Variants in DENND1B observed in about 807,000 individuals in gnomAD.
DENND1B encodes DENN domain containing 1B, also known as DENN domain-containing protein 1B.
Under a neutral mutation model 90.1 loss-of-function variants are expected in DENND1B, and 59 were observed. The ratio of observed to expected loss-of-function variants is 0.65; its 90% confidence interval spans 0.53 to 0.81. The LOEUF is 0.81. Among genes scored for constraint, DENND1B ranks in the 40% least tolerant of loss-of-function variants. The pLI is 0.00. For synonymous variants in DENND1B, 337 were observed against 324.6 expected (o/e 1.04, Z -0.41); for missense variants, 862 against 912.6 (o/e 0.94, Z 0.71).
chr1:197,635,782 C>A (rs1035481895), intron 10 of DENND1B, among the ~76,000 whole-genome samples: 5 of 152,058 alleles, frequency 3.3e-5, no homozygotes, highest in African/African-American at 1.2e-4. Flanking sequence ...CAAACTAAGC[C>A]TTCTGTAAAG....
chr1:197,648,266 C>T (rs1282854188), intron 7 of DENND1B, among the ~76,000 whole-genome samples: 1 of 152,216 alleles, frequency 6.6e-6, no homozygotes, highest in Admixed American at 6.5e-5. Flanking sequence ...TTGACATGCT[C>T]AATTTCTCAA....
rs560536902 is a variant in DENND1B, at chr1:197,663,763, G to A, written c.297-5394C>T. On this transcript the variant is annotated intron_variant, in intron 5 of 22. Coordinates refer to ENST00000620048, the MANE Select transcript of DENND1B (RefSeq NM_001195215.2). Reference sequence around the variant, plus strand: ...ACTTCCTATTGTTAGGCACCTAACAGGTTTCTCTCATTTGAGCCCCTTACC... The same window carrying A: ...ACTTCCTATTGTTAGGCACCTAACAAGTTTCTCTCATTTGAGCCCCTTACC... Among the ~76,000 whole-genome samples, 6 of 152,100 alleles carry A rather than the reference G, an allele frequency of 3.9e-5. No individual in the cohort carries two copies. The South Asian group carries it at 1.2e-3, about 32-fold the overall frequency.
chr1:197,699,865 T>A (rs1658842994), intron 3 of DENND1B, among the ~76,000 whole-genome samples: 1 of 151,926 alleles, frequency 6.6e-6, no homozygotes, highest in African/African-American at 2.4e-5. Context: ...TCACAATCAC[T>A]ACAAAGAGAA....
At chr1:197,593,917 C>A in intron 14 of DENND1B, among the ~76,000 whole-genome samples, 1 of 152,032 alleles carries the variant, frequency 6.6e-6, no homozygotes, top group East Asian at 1.9e-4. Flanking sequence ...GTGTTTCAAA[C>A]TCATTTTTAT....
intron 2 of DENND1B, among the ~76,000 whole-genome samples, chr1:197,754,426 C>T (rs1417758489): frequency 2.0e-5 from 3 of 152,008 alleles, no homozygotes; most frequent in Non-Finnish European, 2.9e-5. Flanking sequence ...GTGGCTCACA[C>T]CTGTAATCCC....
chr1:197,572,460 C>A (rs991663316), intron 15 of DENND1B, among the ~76,000 whole-genome samples: 4 of 152,204 alleles, frequency 2.6e-5, no homozygotes, highest in African/African-American at 9.6e-5. Context: ...AGGCCTACTG[C>A]CTCTATAGAC....
intron 15 of DENND1B, among the ~76,000 whole-genome samples, chr1:197,564,327 C>G (rs1182868911): frequency 7.1e-6 from 1 of 140,754 alleles, no homozygotes. Context: ...GACAACCACC[C>G]CAACCTTCTA....
At chr1:197,650,176 T>C (rs1004696769) in intron 7 of DENND1B, among the ~76,000 whole-genome samples, 13 of 152,164 alleles carry the variant, frequency 8.5e-5, no homozygotes, top group African/African-American at 2.9e-4. Context: ...TTTGCAAGAA[T>C]GGCCATAATC....
At chr1:197,647,163 A>G in intron 7 of DENND1B, 49 bp from the exon 8 acceptor site, 1 of 1,288,714 alleles carries the variant, frequency 7.8e-7, no homozygotes, top group Non-Finnish European at 1.0e-6. Context: ...TCATGGGAGA[A>G]GCTTACACAA....
At chr1:197,594,095 T>C (rs1675477341) in intron 14 of DENND1B, among the ~76,000 whole-genome samples, 1 of 152,152 alleles carries the variant, frequency 6.6e-6, no homozygotes, top group South Asian at 2.1e-4. Flanking sequence ...TATATAATGC[T>C]TTAAAAATAT....
chr1:197,712,692 A>AG, intron 3 of DENND1B, among the ~76,000 whole-genome samples: 1 of 11,480 alleles, frequency 8.7e-5, no homozygotes, highest in Non-Finnish European at 1.5e-4. Context: ...TCATGTCCAA[A>AG]ACACCAAAAG....
chr1:197,700,753 C>T (rs1658942090), intron 3 of DENND1B, among the ~76,000 whole-genome samples: 1 of 152,054 alleles, frequency 6.6e-6, no homozygotes, highest in South Asian at 2.1e-4. Context: ...CAAGAAAAAA[C>T]AACCCCATCA....
intron 5 of DENND1B, among the ~76,000 whole-genome samples, chr1:197,659,695 A>G (rs1025332473): frequency 5.1e-4 from 77 of 152,168 alleles, no homozygotes; most frequent in African/African-American, 1.6e-3. Context: ...AACAGCAGAA[A>G]AGAGTAAACC....
At chr1:197,635,897 T>C (rs950436498) in intron 10 of DENND1B, among the ~76,000 whole-genome samples, 5 of 151,938 alleles carry the variant, frequency 3.3e-5, no homozygotes, top group African/African-American at 1.2e-4. Context: ...CAGAAAATTA[T>C]TGTTAAAACC....
At chr1:197,765,835 A>G (rs1655632767) in intron 2 of DENND1B, among the ~76,000 whole-genome samples, 1 of 152,232 alleles carries the variant, frequency 6.6e-6, no homozygotes, top group Non-Finnish European at 1.5e-5. Context: ...GAAAGTGATA[A>G]CCAAACTATT....
At position 197,538,306 on chromosome 1, in the gene DENND1B, G is replaced by GA. The variant is rs1214101608; in HGVS notation, c.1515+1657dup. 9.2e-5 allele frequency among the ~76,000 whole-genome samples: 14 copies of GA among 151,558 alleles called. No homozygotes were observed. The East Asian group carries it at 2.1e-3, about 23-fold the overall frequency. ...CAAGAATTGAACATATTAGTGGTGG[G>GA]AAAAAAAACAACAGAAAAATCAATA... On this transcript the variant is annotated intron_variant, in intron 20 of 22. Coordinates refer to ENST00000620048, the MANE Select transcript of DENND1B (RefSeq NM_001195215.2).
intron 3 of DENND1B, among the ~76,000 whole-genome samples, chr1:197,709,527 C>G (rs1338920215): frequency 4.5e-4 from 6 of 13,478 alleles, no homozygotes; most frequent in Non-Finnish European, 8.5e-4. Context: ...CAAGCAAATG[C>G]TGAGAGATTT....
intron 3 of DENND1B, among the ~76,000 whole-genome samples, chr1:197,702,764 G>GA (rs1475587301): frequency 3.3e-5 from 5 of 152,120 alleles, no homozygotes; most frequent in Non-Finnish European, 5.9e-5. Context: ...GTGTATGACT[G>GA]AAAGTTCTCA....
At chr1:197,540,136 T>A in intron 19 of DENND1B, 65 bp from the exon 20 acceptor site, 1 of 1,126,494 alleles carries the variant, frequency 8.9e-7, no homozygotes, top group Non-Finnish European at 1.3e-6. Context: ...ACGTATTAGA[T>A]TAATAAACAA....
Sources: allele counts gnomAD v4.1 joint callset (sites outside exome capture counted in the v4.1 genomes callset), GRCh38; gene constraint gnomAD v4.1.1; transcripts MANE v1.5; gene names NCBI Gene and HGNC (gene_info 2026-07-23, HGNC 2026-07-21).